The following PTCD3 variants were observed in gnomAD, a reference collection of about 807,000 sequenced individuals.
PTCD3 encodes the protein pentatricopeptide repeat domain 3.
Under a neutral mutation model 101.9 loss-of-function variants are expected in PTCD3, and 89 were observed. That is an observed-to-expected ratio of 0.87 (90% CI 0.74 to 1.04). PTCD3 has a LOEUF of 1.04. Among genes scored for constraint, PTCD3 ranks in the 50% least tolerant of loss-of-function variants. PTCD3 has a pLI of 0.00. For missense variants in PTCD3, 870 were observed against 828.2 expected, an observed-to-expected ratio of 1.05 and a Z score of -0.62; for synonymous variants, 296 against 278.5, an observed-to-expected ratio of 1.06 and a Z score of -0.63.
intron 8 of PTCD3, among the ~76,000 whole-genome samples, chr2:86,121,896 G>A (rs1674290449): frequency 6.6e-6 from 1 of 152,184 alleles, no homozygotes; most frequent in Admixed American, 6.5e-5. Context: ...GATGTATTCT[G>A]GCCAGGGAAA....
At chr2:86,109,645 A>T (rs1024259059) in intron 3 of PTCD3, among the ~76,000 whole-genome samples, 2 of 152,244 alleles carry the variant, frequency 1.3e-5, no homozygotes, top group African/African-American at 2.4e-5. Flanking sequence ...ATTTGGCAGA[A>T]TCAGAATTGG....
rs3088038 is a variant in PTCD3, at chr2:86,138,590, G to A, written c.*1031G>A. 0.7 allele frequency: 105,792 copies of A among 151,760 alleles called. 39,251 individuals are homozygous for A. The highest frequency in any genetic ancestry group is 0.82 in the Non-Finnish European group (55,680 of 67,980). The allele number at this position is 151,760 out of a possible 1,614,324, so 9.4% of individuals were successfully genotyped here. ...ATCTGTCTGCCATCCTCTGAAGGCCGGGACCCAGTCATACATCCTTAGAAA... is the reference window on the plus strand; with the variant it reads ...ATCTGTCTGCCATCCTCTGAAGGCCAGGACCCAGTCATACATCCTTAGAAA... On this transcript the variant is annotated 3_prime_UTR_variant, in exon 24 of 24. Transcript: ENST00000254630.
intron 14 of PTCD3, among the ~76,000 whole-genome samples, chr2:86,130,352 G>A (rs530172157): frequency 6.6e-6 from 1 of 152,284 alleles, no homozygotes; most frequent in Non-Finnish European, 1.5e-5. Context: ...GAGGGAGTGT[G>A]TGTTACTGTC....
chr2:86,120,371 A>G (rs1454934799), intron 7 of PTCD3, among the ~76,000 whole-genome samples: 1 of 152,174 alleles, frequency 6.6e-6, no homozygotes, highest in African/African-American at 2.4e-5. Context: ...AGTGCAAAAC[A>G]CTGTGCTAGC....
intron 19 of PTCD3, 78 bp downstream of exon 19, chr2:86,133,514 C>A: frequency 7.6e-7 from 1 of 1,319,962 alleles, no homozygotes; most frequent in Non-Finnish European, 1.1e-6. Flanking sequence ...GCTAACATTA[C>A]TGTTAGGGAT....
chr2:86,108,363 A>G lies in PTCD3; in HGVS notation c.118A>G (p.Ser40Gly), dbSNP rs1674004159. The change falls in exon 2 of 24, where the codon AGT becomes GGT. Residue 40 changes from serine to glycine, a missense_variant. Transcript: ENST00000254630. ...GTTTTTTTGCAGATTTTATTCTGGT[A>G]GTGCAACCCTCTCAAAGGTTGAAGG... is the stretch of plus-strand genomic sequence containing the variant. The part of the protein sequence containing the change: ...QARSCRFYSG[S>G]ATLSKVEGTD... 6.2e-7 allele frequency: 1 copy of G among 1,608,680 alleles called. No homozygotes were observed. The highest frequency in any genetic ancestry group is 8.5e-7 in the Non-Finnish European group (1 of 1,178,130).
Position 86,125,811 on chromosome 2 carries a change from T to G in PTCD3, c.882T>G (p.Phe294Leu). The change falls in exon 12 of 24, where the codon TTT becomes TTG. Residue 294 changes from phenylalanine (F) to leucine (L), a missense_variant. Phe to Leu is a conservative substitution (Grantham distance 22, BLOSUM62 0). Transcript: ENST00000254630. The stretch of plus-strand genomic sequence containing the variant: ...ATTTTACAGCTGATGTATACACATT[T>G]AATGCATTGATTGAAGCAACAGTAT... ...NNRLHADVYT[F>L]NALIEATVCA... 6.2e-7 allele frequency: 1 copy of G among 1,607,076 alleles called. No homozygotes were observed. Among genetic ancestry groups the G allele is most frequent in the South Asian group, 1.1e-5 (1 of 90,700 alleles).
chr2:86,127,970 A>T lies in PTCD3; in HGVS notation c.1126A>T (p.Ile376Phe). 1 of 1,610,574 alleles carries T rather than the reference A, an allele frequency of 6.2e-7. No homozygotes were observed. Among genetic ancestry groups the T allele is most frequent in the Non-Finnish European group, 8.5e-7 (1 of 1,176,910 alleles). The change falls in exon 14 of 24, where the codon ATT becomes TTT. Residue 376 changes from isoleucine to phenylalanine, a missense_variant. Transcript: ENST00000254630. ...EPSLATYHHI[I>F]RLFDQPGDPL... ...CTCGCTTGCAACATATCACCATATT[A>T]TTCGCCTGTTTGATCAACCTGGTAT... is the stretch of plus-strand genomic sequence containing the variant.
rs1271270344 is a variant in PTCD3 at position 86,137,409 on chromosome 2, C to T, written c.1980-60C>T. ...AGGCTATAGGTGAGTGTCAGAGACA[C>T]CGAGAACCCCAGCACCCAGTTGAAT... On this transcript the variant is annotated intron_variant, in intron 23 of 23. Coordinates refer to ENST00000254630, the MANE Select transcript of PTCD3 (RefSeq NM_017952.6). The T allele has an allele frequency of 2.5e-6, 4 of 1,604,876 alleles. No homozygotes were observed. The African/African-American group carries it at 5.4e-5, about 22-fold the overall frequency.
rs1224862061 is a variant in PTCD3, at chr2:86,139,930, A to G, written c.*2371A>G. 1 of 152,214 alleles carries G rather than the reference A, an allele frequency of 6.6e-6. No individual in the cohort carries two copies. The highest frequency in any genetic ancestry group is 1.5e-5 in the Non-Finnish European group (1 of 68,034). 9.4% of individuals were successfully genotyped at this position (152,214 alleles called of 1,614,324 possible). ...CATTACCAATGTGTAGAAGTCAGAA[A>G]CTAGACTTCTAGTTTGGTTCAACAT... On this transcript the variant is annotated 3_prime_UTR_variant, in exon 24 of 24. Coordinates refer to ENST00000254630, the MANE Select transcript of PTCD3 (RefSeq NM_017952.6).
intron 14 of PTCD3, among the ~76,000 whole-genome samples, chr2:86,129,882 G>A (rs371685552): frequency 2.0e-5 from 3 of 152,278 alleles, no homozygotes; most frequent in East Asian, 3.9e-4. Context: ...TATTGCAGAT[G>A]ATTTTCTGAC....
At chr2:86,137,438 A>T (rs114997802) in intron 23 of PTCD3, 31 bp from the exon 24 acceptor site, 1 of 1,612,910 alleles carries the variant, frequency 6.2e-7, no homozygotes, top group African/African-American at 1.3e-5. Flanking sequence ...GTTGAATTGC[A>T]GTGTAATCCT....
chr2:86,120,265 C>T (rs922458972), intron 7 of PTCD3, among the ~76,000 whole-genome samples: 2 of 152,062 alleles, frequency 1.3e-5, no homozygotes, highest in African/African-American at 4.8e-5. Context: ...TGCAGTCCTT[C>T]AGTAAAGACA....
At chr2:86,127,568 T>A in intron 13 of PTCD3, 1 of 491,240 alleles carries the variant, frequency 2.0e-6, no homozygotes, top group Non-Finnish European at 3.6e-6. Context: ...TAGCTAGTTT[T>A]AAATTCATGA....
intron 8 of PTCD3, 118 bp from the exon 9 acceptor site, chr2:86,123,583 G>C (rs1190021826): frequency 1.4e-6 from 1 of 717,232 alleles, no homozygotes; most frequent in East Asian, 2.9e-5. Flanking sequence ...CCTTCTGCTG[G>C]ATCTATGTTT....
At position 86,141,472 on chromosome 2, in the gene PTCD3, C is replaced by T. The variant is rs1674683745; in HGVS notation, c.*3913C>T. On this transcript the variant is annotated 3_prime_UTR_variant, in exon 24 of 24. Transcript: ENST00000254630. ...TACTTTTAAAACTGGTGGCACCACT[C>T]ATTTGGGACTTGGAGACTGCTTTTA... 6.6e-6 allele frequency: 1 copy of T among 152,198 alleles called. No homozygotes were observed. The highest frequency in any genetic ancestry group is 2.4e-5 in the African/African-American group (1 of 41,450). The allele number at this position is 152,198 out of a possible 1,614,324, so 9.4% of individuals were successfully genotyped here.
chr2:86,129,321 G>T (rs1381293579), intron 14 of PTCD3, among the ~76,000 whole-genome samples: 1 of 152,166 alleles, frequency 6.6e-6, no homozygotes, highest in Non-Finnish European at 1.5e-5. Context: ...TGGGGGTTCT[G>T]GGGGAGCTGT....
rs139650319 is a variant in PTCD3, at chr2:86,108,373, T to C, written c.128T>C (p.Leu43Pro). ...AGATTTTATTCTGGTAGTGCAACCC[T>C]CTCAAAGGTTGAAGGAACTGATGTA... is the stretch of plus-strand genomic sequence containing the variant. ...SCRFYSGSATLSKVEGTDVTG... is the reference protein window; with the variant it reads ...SCRFYSGSATPSKVEGTDVTG... Residue 43 changes from leucine to proline, a missense_variant, in exon 2 of 24, where the codon CTC becomes CCC. Physicochemically the swap from Leu to Pro is moderately conservative, Grantham distance 98. Coordinates refer to ENST00000254630, the MANE Select transcript of PTCD3 (RefSeq NM_017952.6). 4.2e-5 allele frequency: 68 copies of C among 1,608,910 alleles called. No homozygotes were observed. Among genetic ancestry groups the C allele is most frequent in the Non-Finnish European group, 5.6e-5 (66 of 1,178,268 alleles).
intron 14 of PTCD3, among the ~76,000 whole-genome samples, chr2:86,129,132 T>C (rs1674451248): frequency 6.6e-6 from 1 of 152,224 alleles, no homozygotes; most frequent in African/African-American, 2.4e-5. Context: ...TGGAAACAGG[T>C]AAACAGTTTC....
Sources: gnomAD v4.1 joint callset for allele counts (sites outside exome capture counted in the v4.1 genomes callset) on GRCh38, gnomAD v4.1.1 for gene constraint, MANE v1.5 for transcripts, NCBI Gene and HGNC (gene_info 2026-07-23, HGNC 2026-07-21) for gene names.